Variants in SOX5 observed in about 807,000 individuals in gnomAD.
The protein encoded by SOX5 is SRY-box transcription factor 5.
A neutral mutation model predicts 92.0 loss-of-function variants in SOX5; 9 were observed. That is an observed-to-expected ratio of 0.10 (90% confidence interval 0.06 to 0.17). The LOEUF is 0.17. Ranked by LOEUF, SOX5 falls within the 10% of genes least tolerant of loss-of-function variation. The pLI, the probability that SOX5 is intolerant of heterozygous loss-of-function variation, is 1.00. For missense variants in SOX5, 642 were observed against 944.5 expected (o/e 0.68, Z 4.20); for synonymous variants, 344 against 336.3 (o/e 1.02, Z -0.25).
At chr12:23,542,458 CT>C (rs1006923206) in intron 13 of SOX5, among the ~76,000 whole-genome samples, 77 of 152,232 alleles carry the variant, frequency 5.1e-4, no homozygotes, top group African/African-American at 1.6e-3. Context: ...CTTTTTCCCC[CT>C]GGGACCTGAA....
At chr12:24,492,681 C>T (rs1345856869) in intron 1 of SOX5, among the ~76,000 whole-genome samples, 1 of 152,130 alleles carries the variant, frequency 6.6e-6, no homozygotes, top group Admixed American at 6.6e-5. Context: ...GTTACCATGC[C>T]TGAATTACTT....
chr12:24,495,895 T>C (rs1038021257), intron 1 of SOX5, among the ~76,000 whole-genome samples: 13 of 152,168 alleles, frequency 8.5e-5, no homozygotes, highest in African/African-American at 3.1e-4. Flanking sequence ...AAAGATGAGG[T>C]TGGGATTTTT....
At chr12:23,637,550 T>C (rs1201206651) in intron 8 of SOX5, among the ~76,000 whole-genome samples, 1 of 152,168 alleles carries the variant, frequency 6.6e-6, no homozygotes. Flanking sequence ...ACAATATATA[T>C]GAGCTGATGT....
At chr12:23,859,392 G>A (rs143552265) in intron 2 of SOX5, among the ~76,000 whole-genome samples, 9 of 152,278 alleles carry the variant, frequency 5.9e-5, no homozygotes, top group African/African-American at 1.9e-4. Context: ...GATGAAATAC[G>A]CTCTGGTCTC....
intron 4 of SOX5, among the ~76,000 whole-genome samples, chr12:24,204,290 T>C (rs946793391): frequency 6.6e-6 from 1 of 151,264 alleles, no homozygotes; most frequent in African/African-American, 2.4e-5. Flanking sequence ...TAATCTTGGG[T>C]ATATAGTTTT....
At chr12:23,770,880 G>T (rs2094909732) in intron 3 of SOX5, among the ~76,000 whole-genome samples, 1 of 152,066 alleles carries the variant, frequency 6.6e-6, no homozygotes, top group African/African-American at 2.4e-5. Flanking sequence ...AGTTGGTTTG[G>T]GCAGAGAAGG....
intron 3 of SOX5, among the ~76,000 whole-genome samples, chr12:23,838,674 T>C (rs889290219): frequency 6.6e-6 from 1 of 152,018 alleles, no homozygotes; most frequent in Non-Finnish European, 1.5e-5. Flanking sequence ...AAAAGGTACA[T>C]TGTCGTAGGA....
rs573935721 is a variant in SOX5 at position 24,341,529 on chromosome 12, C to G, written c.-174+27034G>C. Among the ~76,000 whole-genome samples the G allele has an allele frequency of 1.1e-3, 168 of 152,250 alleles. 1 individual carries two copies. Among genetic ancestry groups the G allele is most frequent in the African/African-American group, 3.9e-3 (164 of 41,540 alleles). ...TTTATTGATTCTTTACTTTTATAAT[C>G]ACAACTTTTAAAAATATATATTTAG... On this transcript the variant is annotated intron_variant, in intron 2 of 4. Coordinates refer to the SOX5 transcript ENST00000446891.
intron 3 of SOX5, among the ~76,000 whole-genome samples, chr12:24,232,215 A>G (rs1383476869): frequency 1.3e-5 from 2 of 152,186 alleles, no homozygotes; most frequent in African/African-American, 2.4e-5. Context: ...ATCAATTTTC[A>G]TCTTCCTGTT....
In SOX5 at chr12:24,355,282, C is replaced by CTTTTTTTTTTTTTT. The variant is rs768157437; in HGVS notation, c.-174+13267_-174+13280dup. On this transcript the variant is annotated intron_variant, in intron 2 of 4. Transcript: ENST00000446891. Reference sequence around the variant, plus strand: ...TTAGCAGGTGTGGTGAGGGGTGCATCTTTTTTTTTTTTTTTTTTTTTTTTT... The same window carrying CTTTTTTTTTTTTTT: ...TTAGCAGGTGTGGTGAGGGGTGCATCTTTTTTTTTTTTTTTTTTTTTTTTTTTTTTTTTTTTTTT... Among the ~76,000 whole-genome samples, 18 of 71,924 alleles carry CTTTTTTTTTTTTTT rather than the reference C, an allele frequency of 2.5e-4. 2 individuals carry two copies. Among genetic ancestry groups the CTTTTTTTTTTTTTT allele is most frequent in the Non-Finnish European group, 2.8e-4 (12 of 43,372 alleles). 47.2% of individuals were successfully genotyped at this position (71,924 alleles called of 152,430 possible). A position where few individuals can be genotyped will look rare whatever the true frequency, so the allele number is the denominator to read the frequency against.
chr12:23,535,204 C>G (rs1940066660), intron 14 of SOX5, among the ~76,000 whole-genome samples: 2 of 152,104 alleles, frequency 1.3e-5, no homozygotes, highest in Admixed American at 1.3e-4. Flanking sequence ...GTATTTTTCC[C>G]TAGAATTAAA....
intron 1 of SOX5, among the ~76,000 whole-genome samples, chr12:24,374,622 C>T (rs1435813348): frequency 1.3e-5 from 2 of 152,110 alleles, no homozygotes; most frequent in East Asian, 3.9e-4. Context: ...AATGGTAGGT[C>T]AGCAACAGAT....
intron 6 of SOX5, among the ~76,000 whole-genome samples, chr12:23,685,719 C>T (rs1303901346): frequency 1.3e-5 from 2 of 151,814 alleles, no homozygotes; most frequent in Non-Finnish European, 2.9e-5. Flanking sequence ...TTCTCCTTCT[C>T]AATACCATGA....
intron 1 of SOX5, among the ~76,000 whole-genome samples, chr12:24,542,069 T>C (rs1299431748): frequency 2.6e-5 from 4 of 152,224 alleles, no homozygotes; most frequent in Non-Finnish European, 5.9e-5. Flanking sequence ...TTTTAATTAC[T>C]CTCCAATGCT....
intron 9 of SOX5, among the ~76,000 whole-genome samples, chr12:23,592,054 G>T (rs962935781): frequency 2.0e-5 from 3 of 152,032 alleles, no homozygotes; most frequent in Non-Finnish European, 4.4e-5. Context: ...GTTCTTTAAA[G>T]GTCCAATTTA....
chr12:24,393,403 C>T lies in SOX5; in HGVS notation c.-250-24764G>A, dbSNP rs4963570. On this transcript the variant is annotated intron_variant, in intron 1 of 4. Coordinates refer to the SOX5 transcript ENST00000446891. The surrounding 1 kb of genome is among the most constrained non-coding windows in gnomAD (Gnocchi z 5.0). Reference sequence around the variant, plus strand: ...ACAGGCCAATCAGGGTCGGAGATAACAGAATGACAATCCAGTATGACAGAA... The same window carrying T: ...ACAGGCCAATCAGGGTCGGAGATAATAGAATGACAATCCAGTATGACAGAA... Among the ~76,000 whole-genome samples the T allele has an allele frequency of 1.3e-5, 2 of 152,034 alleles. No homozygotes were observed. Among genetic ancestry groups the T allele is most frequent in the Non-Finnish European group, 2.9e-5 (2 of 68,014 alleles).
chr12:23,870,916 T>C (rs1344953548), intron 2 of SOX5, among the ~76,000 whole-genome samples: 2 of 152,166 alleles, frequency 1.3e-5, no homozygotes, highest in African/African-American at 4.8e-5. Context: ...CTTCACTCAC[T>C]AAGGAAATCT....
chr12:24,073,275 C>A (rs889736343), intron 4 of SOX5, among the ~76,000 whole-genome samples: 44 of 152,156 alleles, frequency 2.9e-4, no homozygotes, highest in African/African-American at 1.0e-3. Flanking sequence ...GAGCTCAAAT[C>A]CAATCTGCTA....
At chr12:23,979,698 GTTT>G (rs67253622) in intron 4 of SOX5, among the ~76,000 whole-genome samples, 1 of 64,706 alleles carries the variant, frequency 1.5e-5, no homozygotes, top group East Asian at 7.8e-4. Context: ...ATATATATAT[GTTT>G]TTTTTGTTTT....
Sources: gnomAD v4.1 joint callset for allele counts (sites outside exome capture counted in the v4.1 genomes callset) on GRCh38, gnomAD v4.1.1 for gene constraint, Gnocchi (gnomAD v3.1) non-coding constraint, MANE v1.5 for transcripts, NCBI Gene and HGNC (gene_info 2026-07-23, HGNC 2026-07-21) for gene names.